C8orf34: variants seen among roughly 807,000 people sequenced by gnomAD.
C8orf34 encodes chromosome 8 open reading frame 34, also known as uncharacterized protein C8orf34.
A neutral mutation model predicts 68.3 loss-of-function variants in C8orf34; 65 were observed. The observed-to-expected ratio is 0.95, with a 90% CI of 0.78 to 1.17. C8orf34 has a LOEUF of 1.17. Among genes scored for constraint, C8orf34 ranks in the 50% most tolerant of loss-of-function variants. The probability of loss-of-function intolerance (pLI) is 0.00; values close to 1 mark genes in which losing one functional copy is unlikely to be tolerated. For synonymous variants in C8orf34, 244 were observed against 241.2 expected, an observed-to-expected ratio of 1.01 and a Z score of -0.11; for missense variants, 664 against 655.4, an observed-to-expected ratio of 1.01 and a Z score of -0.14.
At chr8:68,650,273 T>C (rs1819307920) in intron 8 of C8orf34, among the ~76,000 whole-genome samples, 2 of 151,970 alleles carry the variant, frequency 1.3e-5, no homozygotes, top group African/African-American at 2.4e-5. Context: ...GAGCAGAAGT[T>C]TGTTTAACAA....
intron 6 of C8orf34, chr8:68,525,507 T>A: frequency 1.4e-6 from 1 of 737,074 alleles, no homozygotes; most frequent in Non-Finnish European, 2.3e-6. Context: ...TGTAAGTATG[T>A]ATTACATCCC....
At chr8:68,766,844 A>G (rs1823191929) in intron 10 of C8orf34, among the ~76,000 whole-genome samples, 1 of 152,232 alleles carries the variant, frequency 6.6e-6, no homozygotes, top group African/African-American at 2.4e-5. Flanking sequence ...AATAAAATGT[A>G]TGGGTTAATT....
chr8:68,394,974 A>G (rs184310572), intron 1 of C8orf34, among the ~76,000 whole-genome samples: 2 of 152,202 alleles, frequency 1.3e-5, no homozygotes, highest in Non-Finnish European at 2.9e-5. Flanking sequence ...TGCAGTTTAA[A>G]TTCTACAGTT....
intron 10 of C8orf34, among the ~76,000 whole-genome samples, chr8:68,768,047 A>G (rs981088716): frequency 1.3e-5 from 2 of 152,230 alleles, no homozygotes; most frequent in African/African-American, 2.4e-5. Flanking sequence ...AGTGTTCAAG[A>G]CAATGAATCA....
chr8:68,432,316 T>C (rs959475701), intron 1 of C8orf34, among the ~76,000 whole-genome samples: 1 of 152,020 alleles, frequency 6.6e-6, no homozygotes, highest in Non-Finnish European at 1.5e-5. Flanking sequence ...TATTTTATTT[T>C]ATTTATTTTT....
At chr8:68,446,562 A>AT in intron 3 of C8orf34, 102 bp downstream of exon 3, 3 of 1,238,898 alleles carry the variant, frequency 2.4e-6, no homozygotes, top group Non-Finnish European at 3.4e-6. Context: ...TTCATCTGAT[A>AT]TTTCTGGCCT....
chr8:68,523,596 C>A (rs1451597795), intron 6 of C8orf34, among the ~76,000 whole-genome samples: 1 of 152,100 alleles, frequency 6.6e-6, no homozygotes, highest in Non-Finnish European at 1.5e-5. Flanking sequence ...CCAGGTGCCC[C>A]CATTAGAGTA....
Position 68,504,121 on chromosome 8 carries a change from T to C in C8orf34, c.765+16070T>C, listed in dbSNP as rs548473661. Among the ~76,000 whole-genome samples, 12 of 152,306 alleles carry C rather than the reference T, an allele frequency of 7.9e-5. No homozygotes were observed. The South Asian group carries it at 2.3e-3, about 29-fold the overall frequency. On this transcript the variant is annotated intron_variant, in intron 5 of 13. Transcript: ENST00000518698. ...CAACTCCTCAGCCCTAGACGACCAC[T>C]AATCTATTTTCTGTTTCTATAAATT...
At chr8:68,722,123 C>A (rs933870665) in intron 10 of C8orf34, among the ~76,000 whole-genome samples, 1 of 151,968 alleles carries the variant, frequency 6.6e-6, no homozygotes, top group Non-Finnish European at 1.5e-5. Flanking sequence ...GTTGTGGAGG[C>A]AGAAATCAAA....
intron 1 of C8orf34, among the ~76,000 whole-genome samples, chr8:68,432,526 TTGAACTCCTGAACTCAAGTGATC>T (rs1286378461): frequency 6.6e-6 from 1 of 152,090 alleles, no homozygotes. Flanking sequence ...CAGGCTGGTG[TTGAACTCCTGAACTCAAGTGATC>T]TGCCTATCTT....
chr8:68,615,766 C>T (rs1438749293), intron 7 of C8orf34, among the ~76,000 whole-genome samples: 4 of 152,130 alleles, frequency 2.6e-5, no homozygotes, highest in African/African-American at 9.7e-5. Context: ...TTGGTTTTGT[C>T]TCTGCCCAGC....
intron 9 of C8orf34, among the ~76,000 whole-genome samples, chr8:68,713,203 T>C (rs1821374107): frequency 6.6e-6 from 1 of 152,098 alleles, no homozygotes; most frequent in Admixed American, 6.5e-5. Flanking sequence ...TAGCATTAAA[T>C]GCCTATATCA....
chr8:68,415,745 G>A (rs548782751), intron 1 of C8orf34, among the ~76,000 whole-genome samples: 3 of 152,326 alleles, frequency 2.0e-5, no homozygotes, highest in South Asian at 4.1e-4. Flanking sequence ...TCAAATCCGA[G>A]ACTTGATCTG....
At chr8:68,444,575 C>A (rs1267881132) in intron 2 of C8orf34, among the ~76,000 whole-genome samples, 2 of 152,102 alleles carry the variant, frequency 1.3e-5, no homozygotes, top group Middle Eastern at 3.4e-3. Context: ...CTTCTTTGTT[C>A]TCTCTCCATA....
intron 1 of C8orf34, among the ~76,000 whole-genome samples, chr8:68,360,364 T>A (rs1806931136): frequency 6.6e-6 from 1 of 152,228 alleles, no homozygotes; most frequent in Non-Finnish European, 1.5e-5. Context: ...AATCATACAC[T>A]GTTTGGCCAC....
intron 7 of C8orf34, among the ~76,000 whole-genome samples, chr8:68,575,379 C>T (rs978481494): frequency 6.6e-6 from 1 of 152,018 alleles, no homozygotes; most frequent in African/African-American, 2.4e-5. Flanking sequence ...TATATTGCAA[C>T]ATTTAGCTCT....
chr8:68,696,870 C>T (rs551991398), intron 8 of C8orf34, among the ~76,000 whole-genome samples: 6 of 151,968 alleles, frequency 3.9e-5, no homozygotes, highest in East Asian at 3.9e-4. Flanking sequence ...TTACAATTAA[C>T]GACCTCACTG....
chr8:68,807,636 G>A (rs1046435342), intron 12 of C8orf34, among the ~76,000 whole-genome samples: 1 of 151,788 alleles, frequency 6.6e-6, no homozygotes, highest in African/African-American at 2.4e-5. Context: ...TTTTTTCTTG[G>A]CTTTAGAACA....
intron 5 of C8orf34, among the ~76,000 whole-genome samples, chr8:68,505,104 C>T (rs1345153920): frequency 1.3e-5 from 2 of 152,074 alleles, no homozygotes; most frequent in African/African-American, 4.8e-5. Context: ...CATGCCTAGC[C>T]CCAAATTGAT....
Sources: gnomAD v4.1 joint callset for allele counts (sites outside exome capture counted in the v4.1 genomes callset) on GRCh38, gnomAD v4.1.1 for gene constraint, MANE v1.5 for transcripts, NCBI Gene and HGNC (gene_info 2026-07-23, HGNC 2026-07-21) for gene names.